BBS9: variants seen among roughly 807,000 people sequenced by gnomAD.
The protein encoded by BBS9 is Bardet-Biedl syndrome 9.
Under a neutral mutation model 117.7 loss-of-function variants are expected in BBS9, and 89 were observed. The observed-to-expected ratio is 0.76, with a 90% CI of 0.64 to 0.90. BBS9 has a LOEUF of 0.90. Ranked by LOEUF, BBS9 falls within the 40% of genes least tolerant of loss-of-function variation. BBS9 has a pLI of 0.00. For synonymous variants in BBS9, 379 were observed against 370.9 expected (o/e 1.02, Z -0.25); for missense variants, 982 against 1,042.2 (o/e 0.94, Z 0.80).
At chr7:33,612,546 C>T (rs1481217257) in intron 21 of BBS9, among the ~76,000 whole-genome samples, 3 of 151,992 alleles carry the variant, frequency 2.0e-5, no homozygotes, top group Non-Finnish European at 4.4e-5. Flanking sequence ...ATCACCTCCT[C>T]TGATGCCTGG....
At chr7:33,452,879 C>T (rs1838096793) in intron 19 of BBS9, among the ~76,000 whole-genome samples, 1 of 152,178 alleles carries the variant, frequency 6.6e-6, no homozygotes, top group African/African-American at 2.4e-5. Flanking sequence ...TTCTGCCTGT[C>T]TGTAATTTCT....
downstream of BBS9, among the ~76,000 whole-genome samples, chr7:33,610,154 C>T (rs989035312): frequency 3.9e-5 from 6 of 151,908 alleles, no homozygotes; most frequent in Admixed American, 6.6e-5. Flanking sequence ...AGTGAGCGAG[C>T]GAGATAGAGA....
At chr7:33,244,528 A>G (rs142323350) in intron 5 of BBS9, among the ~76,000 whole-genome samples, 60 of 152,272 alleles carry the variant, frequency 3.9e-4, no homozygotes, top group African/African-American at 1.3e-3. Flanking sequence ...ATAAATAAGT[A>G]TGGGTGCTGG....
At chr7:33,190,789 G>A (rs1783997747) in intron 5 of BBS9, among the ~76,000 whole-genome samples, 1 of 152,224 alleles carries the variant, frequency 6.6e-6, no homozygotes, top group Admixed American at 6.5e-5. Flanking sequence ...CCAAAGGAAT[G>A]TGATTAACTT....
intron 7 of BBS9, among the ~76,000 whole-genome samples, chr7:33,267,877 A>T (rs528720431): frequency 6.6e-5 from 10 of 151,704 alleles, no homozygotes; most frequent in East Asian, 5.8e-4. Flanking sequence ...TTCCTTTCAC[A>T]TTTCTTTTAG....
Position 33,175,308 on chromosome 7 carries a change from A to G in BBS9, c.329-2170A>G, listed in dbSNP as rs528439545. Among the ~76,000 whole-genome samples, 5 of 151,898 alleles carry G rather than the reference A, an allele frequency of 3.3e-5. No individual in the cohort carries two copies. The South Asian group carries it at 1.0e-3, about 32-fold the overall frequency. On this transcript the variant is annotated intron_variant, in intron 4 of 22. Coordinates refer to ENST00000242067, the MANE Select transcript of BBS9 (RefSeq NM_198428.3). ...GAGTGAGACTCTGTCTTTAAAAAAT[A>G]AAAATAAAAAAAAAAACAACAAAAC... is the stretch of plus-strand genomic sequence containing the variant.
At position 33,177,520 on chromosome 7, in the gene BBS9, A is replaced by G. The variant is rs556340713; in HGVS notation, c.371A>G (p.Lys124Arg). ...GAACATGGGAACCAATGTCAGATGA[A>G]ATTGATGTATGAACATAATCTTCAG... ...NVEHGNQCQM[K>R]LMYEHNLQRT... The change falls in exon 5 of 23, where the codon AAA (lysine) becomes AGA (arginine). Residue 124 changes from lysine (K) to arginine (R), a missense_variant. Lys to Arg is a conservative substitution (Grantham distance 26, BLOSUM62 2). Coordinates refer to ENST00000242067, the MANE Select transcript of BBS9 (RefSeq NM_198428.3). 5 of 1,613,360 alleles carry G rather than the reference A, an allele frequency of 3.1e-6. No homozygotes were observed. The East Asian group carries it at 1.1e-4, about 36-fold the overall frequency.
chr7:33,305,213 T>C (rs545606368), intron 9 of BBS9, among the ~76,000 whole-genome samples: 11 of 152,112 alleles, frequency 7.2e-5, no homozygotes, highest in Non-Finnish European at 1.3e-4. Flanking sequence ...TATTGATCAT[T>C]TTGCTTATGT....
intron 5 of BBS9, among the ~76,000 whole-genome samples, chr7:33,202,266 G>T (rs796487491): frequency 6.6e-6 from 1 of 152,136 alleles, no homozygotes; most frequent in Non-Finnish European, 1.5e-5. Context: ...TATCATTCTA[G>T]TATTATTTTT....
At chr7:33,142,584 T>A (rs974018540) in intron 1 of BBS9, among the ~76,000 whole-genome samples, 1 of 152,220 alleles carries the variant, frequency 6.6e-6, no homozygotes, top group Non-Finnish European at 1.5e-5. Context: ...TATATACCTA[T>A]TAACAGTTCT....
intron 20 of BBS9, among the ~76,000 whole-genome samples, chr7:33,530,183 T>C (rs1850354220): frequency 6.6e-6 from 1 of 152,230 alleles, no homozygotes; most frequent in Admixed American, 6.5e-5. Flanking sequence ...TTTGAATTTA[T>C]GTAGCAATTC....
At chr7:33,270,021 C>CAAAAAAAAAAAAAAAAAAAAAA in intron 7 of BBS9, among the ~76,000 whole-genome samples, 1 of 124,778 alleles carries the variant, frequency 8.0e-6, no homozygotes, top group Non-Finnish European at 1.7e-5. Context: ...GACTCTGTCT[C>CAAAAAAAAAAAAAAAAAAAAAA]AAAAAAAAAA....
intron 21 of BBS9, among the ~76,000 whole-genome samples, chr7:33,550,553 C>T (rs1854240381): frequency 6.6e-6 from 1 of 152,130 alleles, no homozygotes; most frequent in African/African-American, 2.4e-5. Flanking sequence ...CTGCTTCTGA[C>T]ACTACTCAGC....
At chr7:33,600,229 T>C (rs1371104831) in intron 21 of BBS9, among the ~76,000 whole-genome samples, 1 of 152,194 alleles carries the variant, frequency 6.6e-6, no homozygotes, top group Non-Finnish European at 1.5e-5. Context: ...CACAAAGTGT[T>C]GAGAAACTTT....
At chr7:33,532,462 G>A (rs896228842) in intron 20 of BBS9, among the ~76,000 whole-genome samples, 1 of 152,142 alleles carries the variant, frequency 6.6e-6, no homozygotes, top group African/African-American at 2.4e-5. Flanking sequence ...GGGAGATGTC[G>A]GGAAACTTAC....
At chr7:33,217,034 G>A (rs1375035559) in intron 5 of BBS9, among the ~76,000 whole-genome samples, 2 of 152,168 alleles carry the variant, frequency 1.3e-5, no homozygotes, top group African/African-American at 4.8e-5. Flanking sequence ...GGTGGAGGTT[G>A]CAGTGAGCTG....
intron 21 of BBS9, among the ~76,000 whole-genome samples, chr7:33,541,062 T>C (rs558755290): frequency 2.9e-4 from 44 of 152,330 alleles, no homozygotes; most frequent in African/African-American, 9.4e-4. Context: ...GTCTCCTGAC[T>C]ATTGGTTTTC....
intron 13 of BBS9, among the ~76,000 whole-genome samples, chr7:33,350,158 C>A (rs943018661): frequency 6.6e-6 from 1 of 151,828 alleles, no homozygotes; most frequent in African/African-American, 2.4e-5. Flanking sequence ...AGTCTTTTTT[C>A]TTTTTTTAGT....
chr7:33,443,014 T>C (rs1836446517), intron 19 of BBS9, among the ~76,000 whole-genome samples: 1 of 152,200 alleles, frequency 6.6e-6, no homozygotes, highest in Admixed American at 6.5e-5. Flanking sequence ...TATGACTGGC[T>C]TATGGAATCG....
Sources: gnomAD v4.1 joint callset for allele counts (sites outside exome capture counted in the v4.1 genomes callset) on GRCh38, gnomAD v4.1.1 for gene constraint, MANE v1.5 for transcripts, NCBI Gene and HGNC (gene_info 2026-07-23, HGNC 2026-07-21) for gene names.